Variants in INTS6 observed in about 807,000 individuals in gnomAD.
INTS6 encodes the protein DEAD box protein.
INTS6 carries 16 observed loss-of-function variants against 104.9 expected under a neutral mutation model. The observed-to-expected ratio is 0.15, with a 90% CI of 0.10 to 0.23. The LOEUF (loss-of-function observed/expected upper bound fraction) is 0.23, where lower values mean the gene tolerates loss of function less well. Among genes scored for constraint, INTS6 ranks in the 10% least tolerant of loss-of-function variants. The probability of loss-of-function intolerance (pLI) is 1.00; values close to 1 mark genes in which losing one functional copy is unlikely to be tolerated. For synonymous variants in INTS6, 324 were observed against 358.7 expected (o/e 0.90, Z 1.09); for missense variants, 584 against 1,062.8 (o/e 0.55, Z 6.26).
chr13:51,388,382 T>C lies in INTS6; in HGVS notation c.740-842A>G, dbSNP rs1956180579. 2.0e-5 allele frequency among the ~76,000 whole-genome samples: 3 copies of C among 151,588 alleles called. No individual in the cohort carries two copies. The South Asian group carries it at 6.3e-4, about 32-fold the overall frequency. ...TGTGTGTGTGTGTTTTGTTTTTTTT[T>C]GTTTTTGTTTTTGTTTTTCTTTTTT... On this transcript the variant is annotated intron_variant, in intron 6 of 17. Coordinates refer to ENST00000311234, the MANE Select transcript of INTS6 (RefSeq NM_012141.3).
intron 9 of INTS6, among the ~76,000 whole-genome samples, chr13:51,382,365 C>G (rs1956067719): frequency 6.6e-6 from 1 of 152,188 alleles, no homozygotes; most frequent in African/African-American, 2.4e-5. Flanking sequence ...CAAGGAAAAT[C>G]TATGCCCTCC....
chr13:51,438,857 A>G (rs1012794318), intron 3 of INTS6: 1 of 152,180 alleles, frequency 6.6e-6, no homozygotes, highest in Non-Finnish European at 1.5e-5. Context: ...AAAGCACTGT[A>G]CCTTGTCATT....
intron 13 of INTS6, among the ~76,000 whole-genome samples, chr13:51,375,284 G>A (rs1346547776): frequency 2.0e-5 from 3 of 149,996 alleles, no homozygotes; most frequent in African/African-American, 4.9e-5. Context: ...CCCAGGATGC[G>A]GAGGTTGCAG....
At chr13:51,403,161 AAG>A (rs898959388) in intron 4 of INTS6, among the ~76,000 whole-genome samples, 3 of 152,194 alleles carry the variant, frequency 2.0e-5, no homozygotes, top group African/African-American at 7.2e-5. Flanking sequence ...AAAAAGATAA[AAG>A]AAGTTTATTT....
chr13:51,403,700 C>T (rs1956493113), intron 4 of INTS6, among the ~76,000 whole-genome samples: 1 of 151,160 alleles, frequency 6.6e-6, no homozygotes, highest in Admixed American at 6.6e-5. Flanking sequence ...TATGTATTCT[C>T]ATAATCATGC....
At chr13:51,367,935 C>T (rs774598186) in intron 16 of INTS6, 37 bp from the exon 17 acceptor site, 1 of 1,123,874 alleles carries the variant, frequency 8.9e-7, no homozygotes, top group Admixed American at 2.4e-5. Flanking sequence ...AATTAAGTGC[C>T]TTTCATTTGT....
chr13:51,369,230 G>A lies in INTS6; in HGVS notation c.2185C>T (p.Pro729Ser). Residue 729 changes from proline (P) to serine (S), a missense_variant, in exon 16 of 18, where the codon CCA (proline) becomes TCA (serine). Coordinates refer to ENST00000311234, the MANE Select transcript of INTS6 (RefSeq NM_012141.3). ...VADQLSSDIT[P>S]NAMDTEFSAS... is the part of the protein sequence containing the mutation. ...GAAAATTCCGTATCCATAGCATTTG[G>A]TGTAATGTCTGATGAAAGTTGGTCT... 6.2e-7 allele frequency: 1 copy of A among 1,613,684 alleles called. No individual in the cohort carries two copies. The highest frequency in any genetic ancestry group is 1.1e-5 in the South Asian group (1 of 91,070).
intron 5 of INTS6, among the ~76,000 whole-genome samples, chr13:51,393,156 C>G (rs1956273928): frequency 6.6e-6 from 1 of 150,922 alleles, no homozygotes; most frequent in Non-Finnish European, 1.5e-5. Flanking sequence ...CAGCTCACTG[C>G]AACTTCCACC....
At chr13:51,443,552 T>C (rs938662901) in intron 3 of INTS6, 2 of 151,964 alleles carry the variant, frequency 1.3e-5, no homozygotes, top group Non-Finnish European at 2.9e-5. Flanking sequence ...AAAAATAAAG[T>C]TTATATAAGG....
chr13:51,450,351 G>T (rs1953010681), intron 3 of INTS6: 4 of 985,358 alleles, frequency 4.1e-6, no homozygotes, highest in South Asian at 9.4e-5. Context: ...ATACATGAAA[G>T]TAAGTGCAAT....
downstream of INTS6, chr13:51,361,168 GC>G: frequency 1.5e-6 from 1 of 680,212 alleles, no homozygotes; most frequent in Middle Eastern, 2.9e-4. Flanking sequence ...TACACAGTAA[GC>G]AGCATTGGAT....
chr13:51,372,143 T>C (rs771684595), intron 15 of INTS6, among the ~76,000 whole-genome samples: 3 of 152,174 alleles, frequency 2.0e-5, no homozygotes, highest in Non-Finnish European at 2.9e-5. Context: ...CTTTTACAAC[T>C]AAACTTAACT....
chr13:51,421,294 CACTTTAGCACTTCTTGAAA>C, intron 4 of INTS6: 1 of 985,654 alleles, frequency 1.0e-6, no homozygotes, highest in Non-Finnish European at 1.2e-6. Context: ...ACAGTCAGTG[CACTTTAGCACTTCTTGAAA>C]ACCACTGGGC....
At chr13:51,374,159 A>C in intron 15 of INTS6, 49 bp downstream of exon 15, 1 of 1,445,822 alleles carries the variant, frequency 6.9e-7, no homozygotes, top group Non-Finnish European at 9.7e-7. Context: ...CTTCCTTGAA[A>C]AGGAACCAAA....
intron 7 of INTS6, chr13:51,385,046 A>ATATC (rs1956117659): frequency 6.1e-6 from 1 of 162,776 alleles, no homozygotes; most frequent in Non-Finnish European, 1.3e-5. Context: ...ATCACATATA[A>ATATC]AGATCTTCAG....
chr13:51,387,583 G>C, intron 6 of INTS6, 43 bp from the exon 7 acceptor site: 1 of 1,458,954 alleles, frequency 6.9e-7, no homozygotes, highest in Non-Finnish European at 9.2e-7. Flanking sequence ...ATATCATAAG[G>C]GGGGATAAGC....
At chr13:51,450,169 A>G (rs1447561864) in intron 3 of INTS6, 4 of 984,866 alleles carry the variant, frequency 4.1e-6, no homozygotes, top group Non-Finnish European at 4.8e-6. Flanking sequence ...GCTTTTCACT[A>G]CAACATAAGA....
chr13:51,432,765 A>C (rs1226229640), intron 3 of INTS6, among the ~76,000 whole-genome samples: 2 of 152,210 alleles, frequency 1.3e-5, no homozygotes, highest in Non-Finnish European at 2.9e-5. Flanking sequence ...TAGAGTATAA[A>C]AAGGAGCACT....
chr13:51,359,846 G>C (rs1406024269), downstream of INTS6, among the ~76,000 whole-genome samples: 1 of 151,930 alleles, frequency 6.6e-6, no homozygotes, highest in Non-Finnish European at 1.5e-5. Flanking sequence ...TAGTAAGAGG[G>C]GCTAATTATT....
Sources: gnomAD v4.1 joint callset for allele counts (sites outside exome capture counted in the v4.1 genomes callset) on GRCh38, gnomAD v4.1.1 for gene constraint, MANE v1.5 for transcripts, NCBI Gene and HGNC (gene_info 2026-07-23, HGNC 2026-07-21) for gene names.